DIRAS2: variants seen among roughly 807,000 people sequenced by gnomAD.
The protein encoded by DIRAS2 is GTP-binding protein Di-Ras2.
Under a neutral mutation model 13.9 loss-of-function variants are expected in DIRAS2, and 5 were observed. The observed-to-expected ratio is 0.36, with a 90% CI of 0.19 to 0.76. The LOEUF (loss-of-function observed/expected upper bound fraction) is 0.76, where lower values mean the gene tolerates loss of function less well. Ranked by LOEUF, DIRAS2 falls within the 30% of genes least tolerant of loss-of-function variation. The pLI is 0.53. For missense variants in DIRAS2, 191 were observed against 263.0 expected, an observed-to-expected ratio of 0.73 and a Z score of 1.89; for synonymous variants, 111 against 105.4, an observed-to-expected ratio of 1.05 and a Z score of -0.33.
At chr9:90,623,585 C>T (rs934562667) in intron 1 of DIRAS2, among the ~76,000 whole-genome samples, 1 of 152,180 alleles carries the variant, frequency 6.6e-6, no homozygotes, top group African/African-American at 2.4e-5. Context: ...GGCCTAGATT[C>T]AGGGAAAATG....
chr9:90,626,952 T>C (rs1032725961), intron 1 of DIRAS2, among the ~76,000 whole-genome samples: 1 of 152,174 alleles, frequency 6.6e-6, no homozygotes, highest in African/African-American at 2.4e-5. Context: ...TTGTGTTGAA[T>C]TGTAAGCCCC....
rs369030767 is a variant in DIRAS2, at chr9:90,634,362, G to A, written c.-37+8390C>T. 1.1e-4 allele frequency among the ~76,000 whole-genome samples: 17 copies of A among 152,272 alleles called. No homozygotes were observed. The South Asian group carries it at 2.1e-3, about 19-fold the overall frequency. On this transcript the variant is annotated intron_variant, in intron 1 of 1. Transcript: ENST00000375765. ...CATTAATCAATGAAAATTTATTTGC[G>A]TCTGCTCCATGGTGACCGGGCAGGT...
chr9:90,638,507 G>A (rs1825390565), intron 1 of DIRAS2, among the ~76,000 whole-genome samples: 1 of 152,166 alleles, frequency 6.6e-6, no homozygotes, highest in Admixed American at 6.6e-5. Flanking sequence ...AGAACCCAGT[G>A]AAGGCCAAAG....
intron 1 of DIRAS2, among the ~76,000 whole-genome samples, chr9:90,630,551 C>CT (rs1825315144): frequency 6.6e-6 from 1 of 152,168 alleles, no homozygotes; most frequent in African/African-American, 2.4e-5. Context: ...ACAATAGAGT[C>CT]TTTCCAATAC....
chr9:90,626,199 TAGAG>T (rs1825267452), intron 1 of DIRAS2: 6 of 112,862 alleles, frequency 5.3e-5, no homozygotes, highest in African/African-American at 1.7e-4. Flanking sequence ...AAAAAAAAAA[TAGAG>T]AGACCCTATG....
At chr9:90,629,526 T>G (rs1462516706) in intron 1 of DIRAS2, among the ~76,000 whole-genome samples, 2 of 139,002 alleles carry the variant, frequency 1.4e-5, no homozygotes, top group South Asian at 4.6e-4. Flanking sequence ...GGAAGACATA[T>G]AGAAAAAAAA....
rs1361503320 is a variant in DIRAS2, at chr9:90,610,295, T to C, written c.*2933A>G. 1 of 397,408 alleles carries C rather than the reference T, an allele frequency of 2.5e-6. No homozygotes were observed. Among genetic ancestry groups the C allele is most frequent in the East Asian group, 3.6e-5 (1 of 28,002 alleles). 24.6% of individuals were successfully genotyped at this position (397,408 alleles called of 1,614,324 possible). On this transcript the variant is annotated 3_prime_UTR_variant, in exon 2 of 2. Transcript: ENST00000375765. ...CTAGCTTACAGATATGTACAATTTA[T>C]GACTTTATACTTCAAAAATGCAGGA... is the stretch of plus-strand genomic sequence containing the variant.
intron 1 of DIRAS2, among the ~76,000 whole-genome samples, chr9:90,621,550 C>CA (rs1018170855): frequency 2.3e-4 from 35 of 150,670 alleles, no homozygotes; most frequent in Middle Eastern, 3.4e-3. Flanking sequence ...CACTTTAAAA[C>CA]AAAAAAAAAT....
chr9:90,622,444 TCTTA>T (rs1825228197), intron 1 of DIRAS2, among the ~76,000 whole-genome samples: 1 of 151,134 alleles, frequency 6.6e-6, no homozygotes, highest in African/African-American at 2.4e-5. Flanking sequence ...AACATTTGGA[TCTTA>T]CTTTTTTCCG....
At chr9:90,639,752 C>T (rs997746686) in intron 1 of DIRAS2, among the ~76,000 whole-genome samples, 1 of 152,196 alleles carries the variant, frequency 6.6e-6, no homozygotes, top group African/African-American at 2.4e-5. Context: ...ATTATTTGAT[C>T]TAATCCTTTT....
At chr9:90,636,599 T>C (rs567751291) in intron 1 of DIRAS2, among the ~76,000 whole-genome samples, 12 of 152,302 alleles carry the variant, frequency 7.9e-5, no homozygotes, top group African/African-American at 2.6e-4. Flanking sequence ...TCACCAGAAA[T>C]GGTCTCTTGT....
chr9:90,610,629 T>TA lies in DIRAS2; in HGVS notation c.*2598dup. Reference sequence around the variant, plus strand: ...TGGGAATGGAAACGTACAAATGCTTTAAAAAAATCTAATTCTGTGATACTA... The same window carrying TA: ...TGGGAATGGAAACGTACAAATGCTTTAAAAAAAATCTAATTCTGTGATACTA... On this transcript the variant is annotated 3_prime_UTR_variant, in exon 2 of 2. Coordinates refer to ENST00000375765, the MANE Select transcript of DIRAS2 (RefSeq NM_017594.5). The TA allele has an allele frequency of 2.6e-6, 1 of 387,474 alleles. No individual in the cohort carries two copies. 24.0% of individuals were successfully genotyped at this position (387,474 alleles called of 1,614,324 possible).
rs781154766 is a variant in DIRAS2 at position 90,613,865 on chromosome 9, T to C, written c.-36-2A>G. On this transcript the variant is annotated splice_acceptor_variant, in intron 1 of 1. Coordinates refer to ENST00000375765, the MANE Select transcript of DIRAS2 (RefSeq NM_017594.5). LOFTEE classifies it low-confidence loss of function (5UTR_SPLICE). This position sits in a 1 kb window ranked among gnomAD's most constrained non-coding sequence, Gnocchi z 5.6. ...CTCCAACTCTCAGCCAGGACGCACC[T>C]AGCAAAGGAACCAGATGTTTGAAAG... 6.4e-7 allele frequency: 1 copy of C among 1,571,980 alleles called. No individual in the cohort carries two copies. The highest frequency in any genetic ancestry group is 1.2e-5 in the South Asian group (1 of 84,268).
Position 90,613,356 on chromosome 9 carries a change from C to G in DIRAS2, c.472G>C (p.Val158Leu). The G allele has an allele frequency of 6.2e-7, 1 of 1,614,078 alleles. No homozygotes were observed. Reference sequence around the variant, plus strand: ...AGCAGCTCCTGGAAAAGCTCCTTCACGTTATGGTTGAGCTTGGCTGAGGTC... The same window carrying G: ...AGCAGCTCCTGGAAAAGCTCCTTCAGGTTATGGTTGAGCTTGGCTGAGGTC... ...METSAKLNHNVKELFQELLNL... is the reference protein window; with the variant it reads ...METSAKLNHNLKELFQELLNL... Residue 158 changes from valine (V) to leucine (L), a missense_variant, in exon 2 of 2, where the codon GTG (valine) becomes CTG (leucine). Val to Leu is a conservative substitution (Grantham distance 32). Coordinates refer to ENST00000375765, the MANE Select transcript of DIRAS2 (RefSeq NM_017594.5). This position sits in a 1 kb window ranked among gnomAD's most constrained non-coding sequence, Gnocchi z 5.6.
Position 90,613,782 on chromosome 9 carries a change from C to G in DIRAS2, c.46G>C (p.Gly16Arg). The G allele has an allele frequency of 6.2e-7, 1 of 1,614,090 alleles. No individual in the cohort carries two copies. The highest frequency in any genetic ancestry group is 8.5e-7 in the Non-Finnish European group (1 of 1,179,968). ...ACCAGGGAGCTCTTGCCAACACCGC[C>G]AGCCCCAAACACGGCCACCCGGTAA... ...NDYRVAVFGA[G>R]GVGKSSLVLR... The change falls in exon 2 of 2, where the codon GGC becomes CGC. Residue 16 changes from glycine to arginine, a missense_variant. Transcript: ENST00000375765. The surrounding 1 kb of genome is among the most constrained non-coding windows in gnomAD (Gnocchi z 5.6).
At chr9:90,636,791 TAC>T (rs1825375626) in intron 1 of DIRAS2, among the ~76,000 whole-genome samples, 1 of 152,346 alleles carries the variant, frequency 6.6e-6, no homozygotes, top group Non-Finnish European at 1.5e-5. Flanking sequence ...AAGTATGGTA[TAC>T]ACAGTGTTTC....
intron 1 of DIRAS2, among the ~76,000 whole-genome samples, chr9:90,629,571 T>C (rs914340101): frequency 9.9e-5 from 15 of 151,610 alleles, no homozygotes; most frequent in Admixed American, 7.9e-4. Context: ...ACCAATACAG[T>C]TGTTCCTTTG....
chr9:90,629,021 A>AT (rs1355653663), intron 1 of DIRAS2, among the ~76,000 whole-genome samples: 1 of 151,868 alleles, frequency 6.6e-6, no homozygotes, highest in East Asian at 1.9e-4. Context: ...CGCCCGGCTA[A>AT]TTTTTTGTAT....
At chr9:90,636,840 G>A (rs911643535) in intron 1 of DIRAS2, among the ~76,000 whole-genome samples, 1 of 152,226 alleles carries the variant, frequency 6.6e-6, no homozygotes, top group Non-Finnish European at 1.5e-5. Context: ...TGTGGCTACA[G>A]TCTGATAAAC....
Sources: gnomAD v4.1 joint callset for allele counts (sites outside exome capture counted in the v4.1 genomes callset) on GRCh38, gnomAD v4.1.1 for gene constraint, Gnocchi (gnomAD v3.1) non-coding constraint, MANE v1.5 for transcripts, NCBI Gene and HGNC (gene_info 2026-07-23, HGNC 2026-07-21) for gene names.